FAM184A: variants seen among roughly 807,000 people sequenced by gnomAD.
FAM184A encodes protein FAM184A.
In FAM184A, 99 loss-of-function variants were observed where a neutral mutation model predicts 143.8. The ratio of observed to expected loss-of-function variants is 0.69; its 90% CI spans 0.58 to 0.81. The LOEUF (loss-of-function observed/expected upper bound fraction) is 0.81. Ranked by LOEUF, FAM184A falls within the 40% of genes least tolerant of loss-of-function variation. FAM184A has a pLI of 0.00. For missense variants in FAM184A, 1,217 were observed against 1,310.5 expected (o/e 0.93, Z 1.10); for synonymous variants, 427 against 446.4 (o/e 0.96, Z 0.55).
At chr6:119,042,411 T>C (rs566695782) in intron 1 of FAM184A, among the ~76,000 whole-genome samples, 1 of 152,288 alleles carries the variant, frequency 6.6e-6, no homozygotes, top group African/African-American at 2.4e-5. Flanking sequence ...GGCTTCAAAA[T>C]AAACTGGGAG....
intron 1 of FAM184A, among the ~76,000 whole-genome samples, chr6:119,034,053 G>C (rs199663083): frequency 1.0e-5 from 1 of 95,858 alleles, no homozygotes; most frequent in Non-Finnish European, 2.3e-5. Context: ...GAGAGAGAGA[G>C]AGAGAGAGAG....
At position 119,016,838 on chromosome 6, in the gene FAM184A, G is replaced by C. The variant is rs1785272740; in HGVS notation, c.1439C>G (p.Ser480Cys). 6.2e-7 allele frequency: 1 copy of C among 1,614,082 alleles called. No homozygotes were observed. The highest frequency in any genetic ancestry group is 1.3e-5 in the African/African-American group (1 of 75,038). Residue 480 changes from serine to cysteine, a missense_variant, in exon 5 of 18, where the codon TCT (serine) becomes TGT (cysteine). By Grantham distance (112) the Ser-to-Cys change is moderately radical (BLOSUM62 -1). Coordinates refer to ENST00000338891, the MANE Select transcript of FAM184A (RefSeq NM_024581.6). ...EEVTQLNEAH[S>C]KTLEELAWKH... The stretch of plus-strand genomic sequence containing the variant: ...CCAAGCTAATTCTTCCAAAGTCTTA[G>C]AATGGGCCTCGTTTAATTGAGTCAC...
intron 9 of FAM184A, among the ~76,000 whole-genome samples, chr6:118,981,043 CAG>C: frequency 6.6e-6 from 1 of 152,280 alleles, no homozygotes; most frequent in South Asian, 2.1e-4. Flanking sequence ...ATCTTTTATT[CAG>C]CCATTATAAT....
intron 1 of FAM184A, among the ~76,000 whole-genome samples, chr6:119,119,791 T>G (rs1355689053): frequency 6.6e-6 from 1 of 151,898 alleles, no homozygotes; most frequent in Non-Finnish European, 1.5e-5. Flanking sequence ...AGCAAGATGG[T>G]GAGATTCTGT....
chr6:119,025,122 T>C (rs114681192), intron 1 of FAM184A, among the ~76,000 whole-genome samples: 29 of 152,308 alleles, frequency 1.9e-4, no homozygotes, highest in South Asian at 1.2e-3. Context: ...AAGGAGGCAA[T>C]TGGCCTAAGA....
chr6:119,013,925 G>A (rs956048435), intron 5 of FAM184A, among the ~76,000 whole-genome samples: 1 of 152,134 alleles, frequency 6.6e-6, no homozygotes, highest in Non-Finnish European at 1.5e-5. Flanking sequence ...TCTCCAAGTC[G>A]TAAGTATTAA....
chr6:119,007,128 TAA>T (rs1784945012), intron 6 of FAM184A, among the ~76,000 whole-genome samples: 1 of 152,208 alleles, frequency 6.6e-6, no homozygotes, highest in Non-Finnish European at 1.5e-5. Flanking sequence ...ATTAAATCTT[TAA>T]GAGTTGAATT....
At chr6:119,047,325 T>C (rs1231109980) in intron 1 of FAM184A, among the ~76,000 whole-genome samples, 1 of 152,136 alleles carries the variant, frequency 6.6e-6, no homozygotes, top group Non-Finnish European at 1.5e-5. Flanking sequence ...GTTTGGAGGT[T>C]CCTCAAAAAA....
chr6:119,095,314 A>T (rs1464805342), intron 1 of FAM184A, among the ~76,000 whole-genome samples: 1 of 152,218 alleles, frequency 6.6e-6, no homozygotes, highest in African/African-American at 2.4e-5. Context: ...AACGTGCTGA[A>T]GTCAGGAAAG....
intron 1 of FAM184A, among the ~76,000 whole-genome samples, chr6:119,113,670 G>GTAT (rs1788990410): frequency 6.6e-6 from 1 of 152,104 alleles, no homozygotes; most frequent in African/African-American, 2.4e-5. Flanking sequence ...CACATAACAT[G>GTAT]TATTATATGC....
At position 118,964,768 on chromosome 6, in the gene FAM184A, C is replaced by A; in HGVS notation, c.3037G>T (p.Asp1013Tyr). Residue 1013 changes from aspartate to tyrosine, a missense_variant, in exon 16 of 18, where the codon GAT becomes TAT. Coordinates refer to ENST00000338891, the MANE Select transcript of FAM184A (RefSeq NM_024581.6). ...AATTCCAGCTGATAAAACTTATTAT[C>A]CTCCTATGCAAAAGAATTATAAACA... ...RDQIIKKLIE[D>Y]NKFYQLELVN... 1 of 1,527,064 alleles carries A rather than the reference C, an allele frequency of 6.5e-7. No homozygotes were observed. The highest frequency in any genetic ancestry group is 9.0e-7 in the Non-Finnish European group (1 of 1,106,686). The allele number at this position is 1,527,064 out of a possible 1,614,324, so 94.6% of individuals were successfully genotyped here.
chr6:118,962,104 C>T, intron 16 of FAM184A, 141 bp from the exon 17 acceptor site: 1 of 737,490 alleles, frequency 1.4e-6, no homozygotes, highest in Non-Finnish European at 2.2e-6. Flanking sequence ...CCAGTGTTAC[C>T]CAAACTGTGG....
chr6:119,096,642 CAAAAAAAAAAAA>C lies in FAM184A; in HGVS notation c.-202+52424_-202+52435del, dbSNP rs763619775. On this transcript the variant is annotated intron_variant, in intron 1 of 16. Transcript: ENST00000352896. The stretch of plus-strand genomic sequence containing the variant: ...TGGGCGACAGAGCGAGACTCCATCT[CAAAAAAAAAAAA>C]AAAAAAAAAAAAAGAAAGAAAGAAA... Among the ~76,000 whole-genome samples, 19 of 20,652 alleles carry C rather than the reference CAAAAAAAAAAAA, an allele frequency of 9.2e-4. 8 individuals carry two copies. The highest frequency in any genetic ancestry group is 3.3e-3 in the African/African-American group (17 of 5,210). 13.5% of individuals were successfully genotyped at this position (20,652 alleles called of 152,430 possible).
intron 14 of FAM184A, among the ~76,000 whole-genome samples, chr6:118,973,670 G>A (rs1214796867): frequency 6.6e-6 from 1 of 152,124 alleles, no homozygotes; most frequent in African/African-American, 2.4e-5. Flanking sequence ...AATAACTTAT[G>A]TTGGACCAGG....
chr6:118,979,691 C>T (rs1023371341), intron 10 of FAM184A, among the ~76,000 whole-genome samples, 173 bp from the exon 11 acceptor site: 1 of 152,042 alleles, frequency 6.6e-6, no homozygotes, highest in African/African-American at 2.4e-5. Flanking sequence ...TAATTAGGGT[C>T]ATTTCAGTAG....
chr6:119,057,619 G>A lies in FAM184A; in HGVS notation c.159+20522C>T, dbSNP rs1040702558. Among the ~76,000 whole-genome samples the A allele has an allele frequency of 2.6e-5, 4 of 152,144 alleles. No individual in the cohort carries two copies. In the East Asian group the frequency reaches 7.7e-4, roughly 29 times the overall value. Reference sequence around the variant, plus strand: ...TATTCAGGTGTGGTGGTGCACACCTGTAGTTCCAGCTACTCGGGGGAGCTG... The same window carrying A: ...TATTCAGGTGTGGTGGTGCACACCTATAGTTCCAGCTACTCGGGGGAGCTG... On this transcript the variant is annotated intron_variant, in intron 1 of 17. Coordinates refer to ENST00000338891, the MANE Select transcript of FAM184A (RefSeq NM_024581.6).
intron 4 of FAM184A, among the ~76,000 whole-genome samples, chr6:119,019,656 T>C (rs1054613655): frequency 6.6e-5 from 10 of 152,242 alleles, no homozygotes; most frequent in African/African-American, 2.2e-4. Flanking sequence ...CAGTAATATA[T>C]TTCATTAATA....
rs1200370900 is a variant in FAM184A, at chr6:119,002,982, A to T, written c.2005T>A (p.Ser669Thr). The T allele has an allele frequency of 6.2e-7, 1 of 1,613,072 alleles. No homozygotes were observed. Among genetic ancestry groups the T allele is most frequent in the African/African-American group, 1.3e-5 (1 of 75,006 alleles). ...QHEEDKKSAM[S>T]QLLQLKDREK... Reference sequence around the variant, plus strand: ...CGATCTTTCAACTGCAAAAGTTGAGACATTGCTGACTTCTTATCCTCTTCA... The same window carrying T: ...CGATCTTTCAACTGCAAAAGTTGAGTCATTGCTGACTTCTTATCCTCTTCA... The change falls in exon 9 of 18, where the codon TCT becomes ACT. Residue 669 changes from serine (S) to threonine (T), a missense_variant. Coordinates refer to ENST00000338891, the MANE Select transcript of FAM184A (RefSeq NM_024581.6).
At chr6:119,118,760 C>A (rs1026879599) in intron 1 of FAM184A, among the ~76,000 whole-genome samples, 5 of 151,768 alleles carry the variant, frequency 3.3e-5, no homozygotes, top group Non-Finnish European at 5.9e-5. Context: ...GTTAACAGCA[C>A]AAATTGTTTG....
Sources: allele counts gnomAD v4.1 joint callset (sites outside exome capture counted in the v4.1 genomes callset), GRCh38; gene constraint gnomAD v4.1.1; transcripts MANE v1.5; gene names NCBI Gene and HGNC (gene_info 2026-07-23, HGNC 2026-07-21).